NHSL1: variants seen among roughly 807,000 people sequenced by gnomAD.
NHSL1 encodes the protein NHS like 1.
In NHSL1, 48 loss-of-function variants were observed where a neutral mutation model predicts 95.0. That is an observed-to-expected ratio of 0.51 (90% CI 0.40 to 0.64). NHSL1 has a LOEUF of 0.64. Ranked by LOEUF, NHSL1 falls within the 30% of genes least tolerant of loss-of-function variation. NHSL1 has a pLI of 0.00. For missense variants in NHSL1, 1,971 were observed against 2,077.7 expected, an observed-to-expected ratio of 0.95 and a Z score of 1.00; for synonymous variants, 783 against 833.9, an observed-to-expected ratio of 0.94 and a Z score of 1.05.
chr6:138,558,867 C>G (rs376703912), intron 1 of NHSL1, among the ~76,000 whole-genome samples: 1 of 152,060 alleles, frequency 6.6e-6, no homozygotes, highest in Non-Finnish European at 1.5e-5. Context: ...CATAGCAAGA[C>G]CCCTTCTCTA....
chr6:138,489,951 A>AGGG (rs1440776048), intron 2 of NHSL1, among the ~76,000 whole-genome samples: 4 of 47,862 alleles, frequency 8.4e-5, no homozygotes, highest in East Asian at 7.6e-4. Context: ...AGAGGGAGAG[A>AGGG]AGGAGAGAGG....
intron 1 of NHSL1, among the ~76,000 whole-genome samples, chr6:138,625,819 T>C (rs1037347800): frequency 3.9e-5 from 6 of 152,096 alleles, no homozygotes; most frequent in African/African-American, 1.4e-4. Context: ...TTTTTATAAA[T>C]GTTCTGTAGA....
chr6:138,461,824 T>C (rs572312714), intron 3 of NHSL1, among the ~76,000 whole-genome samples: 1 of 152,290 alleles, frequency 6.6e-6, no homozygotes, highest in East Asian at 1.9e-4. Flanking sequence ...AAATATAGCA[T>C]GTTTGTATAA....
At chr6:138,475,056 G>C (rs1778979945) in intron 2 of NHSL1, among the ~76,000 whole-genome samples, 1 of 151,942 alleles carries the variant, frequency 6.6e-6, no homozygotes, top group African/African-American at 2.4e-5. Flanking sequence ...GGTTGAGGCA[G>C]GAGAATCGCT....
At position 138,692,031 on chromosome 6, in the gene NHSL1, C is replaced by G. The variant is rs1785680786; in HGVS notation, c.96+445G>C. 2.2e-6 allele frequency: 1 copy of G among 456,590 alleles called. No individual in the cohort carries two copies. The highest frequency in any genetic ancestry group is 1.5e-5 in the South Asian group (1 of 64,574). The allele number at this position is 456,590 out of a possible 1,614,324, so 28.3% of individuals were successfully genotyped here. A position where few individuals can be genotyped will look rare whatever the true frequency, so the allele number is the denominator to read the frequency against. ...GCTCGCCGAGATCCCCAGGGTTTTA[C>G]AAACGGATCGTCCTGAAGTCTCCAA... On this transcript the variant is annotated intron_variant, in intron 1 of 3. Coordinates refer to the NHSL1 transcript ENST00000491526. The surrounding 1 kb of genome is among the most constrained non-coding windows in gnomAD (Gnocchi z 4.0).
rs775329290 is a variant in NHSL1 at position 138,432,394 on chromosome 6, G to A, written c.1951C>T (p.Arg651Trp). 1.2e-4 allele frequency: 183 copies of A among 1,552,082 alleles called. No homozygotes were observed. The highest frequency in any genetic ancestry group is 3.3e-4 in the Middle Eastern group (2 of 5,992). Reference sequence around the variant, plus strand: ...AGGGATTTATCCTGGTAATTGGACCGGTCCCCTTGGTTTTTCTGAGCTCTT... The same window carrying A: ...AGGGATTTATCCTGGTAATTGGACCAGTCCCCTTGGTTTTTCTGAGCTCTT... ...VGRAQKNQGDRSNYQDKSLSR... is the reference protein window; with the variant it reads ...VGRAQKNQGDWSNYQDKSLSR... Residue 651 changes from arginine (R) to tryptophan (W), a missense_variant, in exon 6 of 8, where the codon CGG becomes TGG. Physicochemically the swap from Arg to Trp is moderately radical, Grantham distance 101 (BLOSUM62 -3). Coordinates refer to ENST00000343505, the MANE Select transcript of NHSL1 (RefSeq NM_001144060.2). This position sits in a 1 kb window ranked among gnomAD's most constrained non-coding sequence, Gnocchi z 4.4.
chr6:138,471,777 C>T (rs1484376084), intron 3 of NHSL1, among the ~76,000 whole-genome samples: 1 of 152,010 alleles, frequency 6.6e-6, no homozygotes, highest in Non-Finnish European at 1.5e-5. Context: ...AAAAGGTAAG[C>T]ACAGTGACAG....
chr6:138,635,063 C>T (rs9495171), intron 1 of NHSL1, among the ~76,000 whole-genome samples: 6,504 of 150,770 alleles, frequency 0.043, 368 homozygotes, highest in African/African-American at 0.13. Flanking sequence ...TTATAGCTAC[C>T]TCAAGTACCT....
upstream of NHSL1, among the ~76,000 whole-genome samples, chr6:138,546,986 G>A (rs376553622): frequency 3.8e-4 from 58 of 152,288 alleles, no homozygotes; most frequent in South Asian, 4.8e-3. Context: ...CCACAGAGAC[G>A]TGAGTCTCCT....
intron 1 of NHSL1, among the ~76,000 whole-genome samples, chr6:138,643,349 G>A (rs1370712871): frequency 6.6e-6 from 1 of 152,082 alleles, no homozygotes; most frequent in Non-Finnish European, 1.5e-5. Context: ...CCATGGGGTG[G>A]TGCATTTGTT....
chr6:138,660,440 T>C (rs1295369720), intron 1 of NHSL1, among the ~76,000 whole-genome samples: 1 of 152,030 alleles, frequency 6.6e-6, no homozygotes, highest in Non-Finnish European at 1.5e-5. Context: ...GAGAAAAATA[T>C]AGACCCTGAC....
chr6:138,458,007 GA>G (rs554103437), intron 3 of NHSL1, among the ~76,000 whole-genome samples: 7,414 of 96,766 alleles, frequency 0.077, 342 homozygotes, highest in African/African-American at 0.17. Context: ...AACTCCAACT[GA>G]AAAAAAAAAA....
intron 5 of NHSL1, among the ~76,000 whole-genome samples, chr6:138,436,534 T>A (rs757836824): frequency 1.3e-5 from 2 of 152,236 alleles, no homozygotes; most frequent in Non-Finnish European, 2.9e-5. Flanking sequence ...GCCATTTATA[T>A]AACATAAAAG....
chr6:138,651,680 A>G (rs1231140722), intron 1 of NHSL1, among the ~76,000 whole-genome samples: 2 of 152,212 alleles, frequency 1.3e-5, no homozygotes, highest in Non-Finnish European at 2.9e-5. Flanking sequence ...CCTGTCTGAC[A>G]ACATTCCAGA....
intron 1 of NHSL1, among the ~76,000 whole-genome samples, chr6:138,673,429 ACTT>A (rs1251133662): frequency 6.6e-6 from 1 of 150,960 alleles, no homozygotes; most frequent in Non-Finnish European, 1.5e-5. Context: ...AGCATTTTTT[ACTT>A]CTTCTATTTC....
At chr6:138,633,793 C>T (rs1784853226) in intron 1 of NHSL1, among the ~76,000 whole-genome samples, 1 of 152,148 alleles carries the variant, frequency 6.6e-6, no homozygotes, top group Non-Finnish European at 1.5e-5. Flanking sequence ...TATTCTGACA[C>T]TGTAACTGTG....
intron 2 of NHSL1, among the ~76,000 whole-genome samples, chr6:138,486,175 T>C (rs1455911541): frequency 6.6e-6 from 1 of 152,194 alleles, no homozygotes; most frequent in African/African-American, 2.4e-5. Flanking sequence ...ACTCCTTTTG[T>C]CTACGGCCCT....
chr6:138,550,585 A>G (rs1218152974), upstream of NHSL1, among the ~76,000 whole-genome samples: 1 of 152,220 alleles, frequency 6.6e-6, no homozygotes, highest in Non-Finnish European at 1.5e-5. Context: ...TAACATTATT[A>G]TCTCTACAAG....
At chr6:138,525,393 T>C (rs570613146) in intron 1 of NHSL1, among the ~76,000 whole-genome samples, 7 of 151,724 alleles carry the variant, frequency 4.6e-5, no homozygotes, top group Non-Finnish European at 8.8e-5. Context: ...CCAGGTGTGG[T>C]GGTGCACACC....
Sources: allele counts gnomAD v4.1 joint callset (sites outside exome capture counted in the v4.1 genomes callset), GRCh38; gene constraint gnomAD v4.1.1; non-coding constraint Gnocchi (gnomAD v3.1); transcripts MANE v1.5; gene names NCBI Gene and HGNC (gene_info 2026-07-23, HGNC 2026-07-21).